EYS: variants seen among roughly 807,000 people sequenced by gnomAD.
EYS encodes EGF-like photoreceptor maintenance factor, also known as protein eyes shut homolog.
Under a neutral mutation model 282.1 loss-of-function variants are expected in EYS, and 250 were observed. That is an observed-to-expected ratio of 0.89 (90% confidence interval 0.80 to 0.98). EYS has a LOEUF of 0.98. EYS is among the 50% of genes least tolerant of loss of function. The probability of loss-of-function intolerance (pLI) is 0.00; values close to 1 mark genes in which losing one functional copy is unlikely to be tolerated. For missense variants in EYS, 4,016 were observed against 3,709.0 expected (o/e 1.08, Z -2.15); for synonymous variants, 1,355 against 1,282.9 (o/e 1.06, Z -1.20).
chr6:64,615,668 T>G (rs1344944476), intron 24 of EYS, among the ~76,000 whole-genome samples: 2 of 152,134 alleles, frequency 1.3e-5, no homozygotes, highest in Non-Finnish European at 2.9e-5. Flanking sequence ...CTACTCATTT[T>G]AAAGAATAAC....
At chr6:64,022,935 A>G (rs971439067) in intron 33 of EYS, among the ~76,000 whole-genome samples, 4 of 152,214 alleles carry the variant, frequency 2.6e-5, no homozygotes, top group African/African-American at 9.6e-5. Context: ...TTCTCAAATA[A>G]AACGTTTTAT....
intron 1 of EYS, among the ~76,000 whole-genome samples, chr6:65,684,172 C>T (rs911523970): frequency 2.6e-5 from 4 of 151,956 alleles, no homozygotes; most frequent in African/African-American, 9.7e-5. Context: ...TCTTCAAATT[C>T]TGATAAAACC....
At chr6:65,356,352 T>G (rs1301241475) in intron 8 of EYS, among the ~76,000 whole-genome samples, 1 of 152,020 alleles carries the variant, frequency 6.6e-6, no homozygotes, top group African/African-American at 2.4e-5. Context: ...GAATCCCTGT[T>G]TCTGCCACTC....
At chr6:63,970,231 T>C (rs1001912520) in intron 35 of EYS, among the ~76,000 whole-genome samples, 1 of 152,258 alleles carries the variant, frequency 6.6e-6, no homozygotes, top group Non-Finnish European at 1.5e-5. Context: ...AATTTTCAGA[T>C]GACCACTTCA....
intron 26 of EYS, among the ~76,000 whole-genome samples, chr6:64,491,988 A>ACAGCACCCTTAT (rs1268637073): frequency 6.6e-6 from 1 of 151,184 alleles, no homozygotes; most frequent in East Asian, 1.9e-4. Context: ...CCTGGAATGT[A>ACAGCACCCTTAT]CAGCACCCTT....
chr6:65,105,680 G>A (rs1775014981), intron 12 of EYS, among the ~76,000 whole-genome samples: 1 of 151,830 alleles, frequency 6.6e-6, no homozygotes, highest in African/African-American at 2.4e-5. Context: ...CAAGAGAGAT[G>A]GGGTGAGATT....
At chr6:64,858,037 A>T (rs539804016) in intron 19 of EYS, among the ~76,000 whole-genome samples, 1 of 152,130 alleles carries the variant, frequency 6.6e-6, no homozygotes, top group East Asian at 1.9e-4. Flanking sequence ...ATTTTCTCCC[A>T]TTCTTTGGGT....
At chr6:64,452,044 A>G (rs1337997675) in intron 26 of EYS, among the ~76,000 whole-genome samples, 6 of 152,200 alleles carry the variant, frequency 3.9e-5, no homozygotes, top group African/African-American at 1.4e-4. Context: ...AAGGGCATTC[A>G]ATTAGGAAAA....
At chr6:63,766,749 C>T (rs766816506) in intron 40 of EYS, among the ~76,000 whole-genome samples, 22 of 151,950 alleles carry the variant, frequency 1.4e-4, no homozygotes, top group African/African-American at 4.3e-4. Flanking sequence ...TGCTAATGAG[C>T]GAGGAAATCC....
At chr6:64,255,360 A>G (rs978213649) in intron 30 of EYS, among the ~76,000 whole-genome samples, 6 of 152,118 alleles carry the variant, frequency 3.9e-5, no homozygotes, top group African/African-American at 1.4e-4. Flanking sequence ...GTCTATGAGC[A>G]TCATCTTTCT....
intron 31 of EYS, among the ~76,000 whole-genome samples, chr6:64,210,521 A>T (rs1187207883): frequency 6.6e-6 from 1 of 152,104 alleles, no homozygotes; most frequent in African/African-American, 2.4e-5. Context: ...CATCATTTTG[A>T]CTTCATCACC....
chr6:65,622,719 T>A (rs935076106), intron 2 of EYS, among the ~76,000 whole-genome samples: 10 of 152,048 alleles, frequency 6.6e-5, no homozygotes, highest in Admixed American at 2.0e-4. Context: ...GACCACATTT[T>A]TAATGAATAT....
chr6:65,192,733 G>T (rs1175597946), intron 12 of EYS, among the ~76,000 whole-genome samples: 2 of 151,718 alleles, frequency 1.3e-5, no homozygotes, highest in Non-Finnish European at 2.9e-5. Flanking sequence ...TCTCAAGAGA[G>T]ACTGGGTTAG....
At chr6:65,008,165 A>G (rs1232073965) in intron 13 of EYS, among the ~76,000 whole-genome samples, 1 of 152,188 alleles carries the variant, frequency 6.6e-6, no homozygotes, top group Non-Finnish European at 1.5e-5. Flanking sequence ...AAAACTAGGA[A>G]GACTATGAAT....
At chr6:63,737,154 C>T (rs1226037511) in intron 41 of EYS, among the ~76,000 whole-genome samples, 1 of 151,862 alleles carries the variant, frequency 6.6e-6, no homozygotes, top group Non-Finnish European at 1.5e-5. Context: ...GAGGGCATCC[C>T]TGTCTTGTGC....
intron 31 of EYS, among the ~76,000 whole-genome samples, chr6:64,097,582 G>A (rs372442595): frequency 1.2e-3 from 183 of 152,288 alleles, no homozygotes; most frequent in African/African-American, 4.2e-3. Context: ...CTGCTGTGCC[G>A]TTTGCTAAGA....
intron 8 of EYS, among the ~76,000 whole-genome samples, chr6:65,369,523 A>T (rs1463402948): frequency 6.6e-6 from 1 of 151,124 alleles, no homozygotes; most frequent in South Asian, 2.1e-4. Flanking sequence ...AGTCTGAAAC[A>T]GTTTTTCTTT....
intron 2 of EYS, among the ~76,000 whole-genome samples, chr6:65,594,034 G>A (rs1562277345): frequency 1.3e-5 from 2 of 151,830 alleles, no homozygotes; most frequent in East Asian, 3.9e-4. Flanking sequence ...GAGCAGCATG[G>A]TGCTTCACTA....
intron 33 of EYS, among the ~76,000 whole-genome samples, chr6:64,027,715 G>A (rs985274232): frequency 6.6e-6 from 1 of 152,162 alleles, no homozygotes; most frequent in African/African-American, 2.4e-5. Context: ...CCCCATCTAT[G>A]TCCACTGTGC....
Sources: gnomAD v4.1 joint callset for allele counts (sites outside exome capture counted in the v4.1 genomes callset) on GRCh38, gnomAD v4.1.1 for gene constraint, MANE v1.5 for transcripts, NCBI Gene and HGNC (gene_info 2026-07-23, HGNC 2026-07-21) for gene names.